Variants in GSE1 observed in about 807,000 individuals in gnomAD.
GSE1 encodes the protein genetic suppressor element 1.
GSE1 carries 32 observed loss-of-function variants against 112.6 expected under a neutral mutation model. The ratio of observed to expected loss-of-function variants is 0.28; its 90% CI spans 0.21 to 0.38. GSE1 has a LOEUF of 0.38. Among genes scored for constraint, GSE1 ranks in the 10% least tolerant of loss-of-function variants. GSE1 has a pLI of 1.00. For missense variants in GSE1, 2,348 were observed against 1,699.2 expected, an observed-to-expected ratio of 1.38 and a Z score of -6.71; for synonymous variants, 1,115 against 735.6, an observed-to-expected ratio of 1.52 and a Z score of -8.35.
At chr16:85,238,673 C>T (rs556099973) in intron 1 of GSE1, among the ~76,000 whole-genome samples, 11 of 152,270 alleles carry the variant, frequency 7.2e-5, no homozygotes, top group African/African-American at 2.2e-4. Context: ...GGCGGCTTGC[C>T]GCAGGATCTC....
chr16:85,331,479 A>ATATG (rs1282843881), intron 1 of GSE1, among the ~76,000 whole-genome samples: 38 of 130,694 alleles, frequency 2.9e-4, no homozygotes, highest in Non-Finnish European at 6.2e-4. Context: ...ATATGTATAT[A>ATATG]TGTGTATATA....
At chr16:85,476,389 A>G (rs2050456307) in intron 2 of GSE1, among the ~76,000 whole-genome samples, 1 of 152,122 alleles carries the variant, frequency 6.6e-6, no homozygotes. Context: ...GGGTCTTCTA[A>G]TCCCCCCATA....
chr16:85,196,209 C>G (rs1215299566), intron 1 of GSE1, among the ~76,000 whole-genome samples: 1 of 152,198 alleles, frequency 6.6e-6, no homozygotes, highest in Admixed American at 6.5e-5. Flanking sequence ...CCCGTGTTAT[C>G]ATTGTCTCGA....
intron 2 of GSE1, among the ~76,000 whole-genome samples, chr16:85,443,271 A>G (rs1421710256): frequency 6.6e-6 from 1 of 151,820 alleles, no homozygotes; most frequent in Non-Finnish European, 1.5e-5. Context: ...GCCCCAGACC[A>G]CCCTCTCCAG....
At chr16:85,314,709 G>A (rs1265748119) in intron 1 of GSE1, among the ~76,000 whole-genome samples, 6 of 152,128 alleles carry the variant, frequency 3.9e-5, no homozygotes, top group African/African-American at 9.7e-5. Context: ...GAGCTCCGCC[G>A]TCTCCCCCGC....
chr16:85,303,290 C>G (rs998148858), intron 1 of GSE1, among the ~76,000 whole-genome samples: 1 of 152,208 alleles, frequency 6.6e-6, no homozygotes, highest in African/African-American at 2.4e-5. Context: ...AGGATATGCC[C>G]CAGCCCCAGT....
At chr16:85,310,811 C>A (rs548986706) in intron 1 of GSE1, among the ~76,000 whole-genome samples, 1 of 152,074 alleles carries the variant, frequency 6.6e-6, no homozygotes, top group Non-Finnish European at 1.5e-5. Context: ...CAGCCCAGCC[C>A]CTCCCCTCAA....
chr16:85,249,691 A>G (rs926369079), intron 1 of GSE1, among the ~76,000 whole-genome samples: 1 of 152,164 alleles, frequency 6.6e-6, no homozygotes, highest in Non-Finnish European at 1.5e-5. Flanking sequence ...CCCGTTGTCC[A>G]GCTGTCCCCG....
chr16:85,642,969 A>G (rs992759471), intron 2 of GSE1, among the ~76,000 whole-genome samples: 2 of 152,008 alleles, frequency 1.3e-5, no homozygotes, highest in East Asian at 1.9e-4. Flanking sequence ...GTGGCCCCCA[A>G]GCGCCTCTTA....
chr16:85,346,272 T>C (rs1424302729), intron 1 of GSE1, among the ~76,000 whole-genome samples: 4 of 147,808 alleles, frequency 2.7e-5, no homozygotes, highest in African/African-American at 1.0e-4. Context: ...GATGGGTGGA[T>C]AGATGATGGA....
chr16:85,656,584 G>A lies in GSE1; in HGVS notation c.1231G>A (p.Val411Met), dbSNP rs977850231. 52 of 1,547,226 alleles carry A rather than the reference G, an allele frequency of 3.4e-5. No individual in the cohort carries two copies. The highest frequency in any genetic ancestry group is 8.2e-5 in the African/African-American group (6 of 72,934). ...GGCCCTGGAGCCCAGCTTCCTGCCCGTGGCCGAGCTGCATGGGCTGCGTGG... is the reference window on the plus strand; with the variant it reads ...GGCCCTGGAGCCCAGCTTCCTGCCCATGGCCGAGCTGCATGGGCTGCGTGG... The part of the protein sequence containing the change: ...AKALEPSFLP[V>M]AELHGLRGHA... Residue 411 changes from valine (V) to methionine (M), a missense_variant, in exon 7 of 16, where the codon GTG (valine) becomes ATG (methionine). Val to Met is a conservative substitution (Grantham distance 21, BLOSUM62 1). Transcript: ENST00000253458.
At chr16:85,394,467 G>A (rs1008776016) in intron 2 of GSE1, among the ~76,000 whole-genome samples, 1 of 152,190 alleles carries the variant, frequency 6.6e-6, no homozygotes, top group African/African-American at 2.4e-5. Context: ...TCCCTTTAAA[G>A]CGAATGATTT....
chr16:85,209,149 G>A (rs2075178227), intron 1 of GSE1, among the ~76,000 whole-genome samples: 1 of 152,194 alleles, frequency 6.6e-6, no homozygotes, highest in Non-Finnish European at 1.5e-5. Flanking sequence ...ACTGAGTCCA[G>A]TGTTTCTGTT....
At chr16:85,455,725 A>G (rs1340387431) in intron 2 of GSE1, among the ~76,000 whole-genome samples, 1 of 152,214 alleles carries the variant, frequency 6.6e-6, no homozygotes, top group Non-Finnish European at 1.5e-5. Context: ...GACTTCCCAC[A>G]TTGGGGAGTT....
chr16:85,271,263 G>T (rs1406278864), intron 1 of GSE1, among the ~76,000 whole-genome samples: 1 of 152,128 alleles, frequency 6.6e-6, no homozygotes, highest in Non-Finnish European at 1.5e-5. Context: ...GCCCACCAGG[G>T]TGACTGGCTG....
chr16:85,543,622 C>A (rs2044599670), intron 2 of GSE1, among the ~76,000 whole-genome samples: 1 of 152,152 alleles, frequency 6.6e-6, no homozygotes, highest in Non-Finnish European at 1.5e-5. Flanking sequence ...ACTGGAGAAT[C>A]TGAGACAGCT....
At chr16:85,222,775 T>A (rs1489323198) in intron 1 of GSE1, among the ~76,000 whole-genome samples, 4 of 152,050 alleles carry the variant, frequency 2.6e-5, no homozygotes, top group Non-Finnish European at 1.5e-5. Flanking sequence ...GTGGGGAGCT[T>A]TTGTTTATTG....
intron 1 of GSE1, among the ~76,000 whole-genome samples, chr16:85,351,433 C>T (rs1030207446): frequency 1.3e-5 from 2 of 151,964 alleles, no homozygotes; most frequent in Admixed American, 6.6e-5. Flanking sequence ...ATGAAATGTC[C>T]AGAAATGACA....
At chr16:85,408,485 G>A (rs1305489495) in intron 2 of GSE1, among the ~76,000 whole-genome samples, 1 of 56,490 alleles carries the variant, frequency 1.8e-5, no homozygotes, top group Admixed American at 1.6e-4. Context: ...GTTACTCTCA[G>A]GGCACCTGGA....
Sources: gnomAD v4.1 joint callset for allele counts (sites outside exome capture counted in the v4.1 genomes callset) on GRCh38, gnomAD v4.1.1 for gene constraint, MANE v1.5 for transcripts, NCBI Gene and HGNC (gene_info 2026-07-23, HGNC 2026-07-21) for gene names.